The following RAD54L2 variants were observed in gnomAD, a reference collection of about 807,000 sequenced individuals.
RAD54L2 encodes helicase ARIP4.
A neutral mutation model predicts 138.4 loss-of-function variants in RAD54L2; 27 were observed. The observed-to-expected ratio is 0.20, with a 90% CI of 0.14 to 0.27. RAD54L2 has a LOEUF of 0.27. RAD54L2 is among the 10% of genes least tolerant of loss of function. The pLI is 1.00. For synonymous variants in RAD54L2, 644 were observed against 723.2 expected, an observed-to-expected ratio of 0.89 and a Z score of 1.76; for missense variants, 1,396 against 1,890.2, an observed-to-expected ratio of 0.74 and a Z score of 4.85.
intron 3 of RAD54L2, among the ~76,000 whole-genome samples, chr3:51,601,852 TG>T (rs1214071273): frequency 6.6e-6 from 1 of 151,814 alleles, no homozygotes; most frequent in Non-Finnish European, 1.5e-5. Flanking sequence ...TGTGTTTTTT[TG>T]TTTTTTTGTT....
intron 1 of RAD54L2, chr3:51,541,159 A>G (rs1698538817): frequency 6.6e-6 from 1 of 151,906 alleles, no homozygotes; most frequent in Non-Finnish European, 1.5e-5. Context: ...AATGCTGATG[A>G]TATTTTTTAA....
chr3:51,632,105 C>T (rs927560448), intron 7 of RAD54L2, among the ~76,000 whole-genome samples: 1 of 152,200 alleles, frequency 6.6e-6, no homozygotes, highest in Non-Finnish European at 1.5e-5. Flanking sequence ...TGGCGGGTTT[C>T]ATTTAACATA....
Position 51,590,568 on chromosome 3 carries a change from G to A in RAD54L2, c.139+9G>A. ...AGAAGACCTGCTGGATGGTAAGTGGGCTCTATTGAGTGACAGAAGTTGCCT... is the reference window on the plus strand; with the variant it reads ...AGAAGACCTGCTGGATGGTAAGTGGACTCTATTGAGTGACAGAAGTTGCCT... On this transcript the variant is annotated intron_variant, in intron 3 of 22. Coordinates refer to ENST00000684192, the MANE Select transcript of RAD54L2 (RefSeq NM_015106.4). 1 of 1,552,378 alleles carries A rather than the reference G, an allele frequency of 6.4e-7. No individual in the cohort carries two copies. The highest frequency in any genetic ancestry group is 8.7e-7 in the Non-Finnish European group (1 of 1,147,142).
rs950505586 is a variant in RAD54L2, at chr3:51,593,792, A to G, written c.139+3233A>G. Reference sequence around the variant, plus strand: ...TGTGTTTGTTTTCTTTGTAATTTCTACTTTCTAATTTTCTGTTTCTTTTGG... The same window carrying G: ...TGTGTTTGTTTTCTTTGTAATTTCTGCTTTCTAATTTTCTGTTTCTTTTGG... On this transcript the variant is annotated intron_variant, in intron 3 of 22. Coordinates refer to ENST00000684192, the MANE Select transcript of RAD54L2 (RefSeq NM_015106.4). 2.0e-5 allele frequency among the ~76,000 whole-genome samples: 3 copies of G among 151,950 alleles called. No homozygotes were observed. The East Asian group carries it at 5.8e-4, about 29-fold the overall frequency.
chr3:51,636,788 C>G (rs1205075817), intron 10 of RAD54L2, among the ~76,000 whole-genome samples: 2 of 152,144 alleles, frequency 1.3e-5, no homozygotes, highest in African/African-American at 4.8e-5. Context: ...AAAAAATTAG[C>G]CAGGCATGGT....
intron 14 of RAD54L2, among the ~76,000 whole-genome samples, chr3:51,641,045 C>G (rs1435341678): frequency 6.6e-6 from 1 of 152,088 alleles, no homozygotes; most frequent in Non-Finnish European, 1.5e-5. Flanking sequence ...TCTTCCTGCC[C>G]AGGCTGGAGT....
chr3:51,631,457 G>A (rs1322116695), intron 7 of RAD54L2, among the ~76,000 whole-genome samples: 2 of 137,114 alleles, frequency 1.5e-5, no homozygotes, highest in Non-Finnish European at 3.1e-5. Context: ...ACAGGGTCTT[G>A]CTCTGTTTCT....
At chr3:51,598,932 C>A (rs750049641) in intron 3 of RAD54L2, among the ~76,000 whole-genome samples, 9 of 152,156 alleles carry the variant, frequency 5.9e-5, no homozygotes, top group Admixed American at 1.3e-4. Context: ...GTAAACATTT[C>A]TCTGAGTTCT....
At position 51,668,127 on chromosome 3, in the gene RAD54L2, T is replaced by G. The variant is rs1701951020; in HGVS notation, c.*4707T>G. ...TTTGTGTGCTGTGCTCATGTGCACC[T>G]GGGTGTAAAATGACTGTTATCTGGT... is the stretch of plus-strand genomic sequence containing the variant. On this transcript the variant is annotated 3_prime_UTR_variant, in exon 23 of 23. Transcript: ENST00000684192. 6.6e-6 allele frequency: 1 copy of G among 152,388 alleles called. No individual in the cohort carries two copies. Among genetic ancestry groups the G allele is most frequent in the Non-Finnish European group, 1.5e-5 (1 of 68,288 alleles). 9.4% of individuals were successfully genotyped at this position (152,388 alleles called of 1,614,324 possible).
In RAD54L2 at chr3:51,645,859, T is replaced by G; in HGVS notation, c.2829+96T>G. 1 of 1,306,222 alleles carries G rather than the reference T, an allele frequency of 7.7e-7. No homozygotes were observed. Among genetic ancestry groups the G allele is most frequent in the African/African-American group, 1.5e-5 (1 of 66,758 alleles). 80.9% of individuals were successfully genotyped at this position (1,306,222 alleles called of 1,614,324 possible). A position where few individuals can be genotyped will look rare whatever the true frequency, so the allele number is the denominator to read the frequency against. The stretch of plus-strand genomic sequence containing the variant: ...TTTTTTCTTCATCTGAGGTGATGTT[T>G]CATGCAGGTGACTTGGACTCAAGGA... On this transcript the variant is annotated intron_variant, in intron 18 of 22. Coordinates refer to ENST00000684192, the MANE Select transcript of RAD54L2 (RefSeq NM_015106.4). The surrounding 1 kb of genome is among the most constrained non-coding windows in gnomAD (Gnocchi z 6.1).
At chr3:51,602,023 G>A (rs1207362812) in intron 3 of RAD54L2, among the ~76,000 whole-genome samples, 3 of 151,570 alleles carry the variant, frequency 2.0e-5, no homozygotes, top group East Asian at 1.9e-4. Flanking sequence ...ATAGAGACGC[G>A]GTTTCACCAT....
chr3:51,629,304 C>T (rs755271742), intron 4 of RAD54L2, 30 bp from the exon 5 acceptor site: 1 of 1,565,256 alleles, frequency 6.4e-7, no homozygotes, highest in Non-Finnish European at 8.7e-7. Flanking sequence ...TTAATTGAAC[C>T]CAAGTGCTGT....
At chr3:51,597,910 C>T (rs1333150003) in intron 3 of RAD54L2, among the ~76,000 whole-genome samples, 4 of 149,292 alleles carry the variant, frequency 2.7e-5, no homozygotes, top group East Asian at 2.0e-4. Context: ...GCCGAGATCA[C>T]GCCACTGCAC....
At chr3:51,621,740 A>C (rs1700574845) in intron 3 of RAD54L2, among the ~76,000 whole-genome samples, 1 of 152,198 alleles carries the variant, frequency 6.6e-6, no homozygotes, top group Admixed American at 6.5e-5. Flanking sequence ...GAAACAAAAC[A>C]AAAAAGACCA....
At chr3:51,627,411 A>T in intron 3 of RAD54L2, 142 bp from the exon 4 acceptor site, 1 of 738,932 alleles carries the variant, frequency 1.4e-6, no homozygotes, top group Non-Finnish European at 2.3e-6. Context: ...ACATCCACTG[A>T]TGTTCAGAGA....
At chr3:51,615,531 T>C (rs1158635587) in intron 3 of RAD54L2, among the ~76,000 whole-genome samples, 1 of 152,248 alleles carries the variant, frequency 6.6e-6, no homozygotes, top group Non-Finnish European at 1.5e-5. Flanking sequence ...AAATTAATTA[T>C]TGAATGTCTG....
chr3:51,645,625 C>T lies in RAD54L2; in HGVS notation c.2691C>T (p.Asn897=). ...TGGATGATCTAAATCCAATGCTGAA[C>T]TTCACACGGAAAGAGGTGGAAAACC... ...RVVDDLNPML[N]FTRKEVENLL... The change falls in exon 18 of 23, where the codon AAC becomes AAT. Residue 897 remains asparagine, a synonymous_variant. Coordinates refer to ENST00000684192, the MANE Select transcript of RAD54L2 (RefSeq NM_015106.4). The surrounding 1 kb of genome is among the most constrained non-coding windows in gnomAD (Gnocchi z 6.1). The T allele has an allele frequency of 6.2e-7, 1 of 1,612,610 alleles. No individual in the cohort carries two copies. The highest frequency in any genetic ancestry group is 8.5e-7 in the Non-Finnish European group (1 of 1,179,350).
intron 15 of RAD54L2, among the ~76,000 whole-genome samples, chr3:51,642,223 C>T (rs1021524726): frequency 1.3e-5 from 2 of 152,038 alleles, no homozygotes; most frequent in African/African-American, 4.8e-5. Flanking sequence ...GATTTGAATA[C>T]ACAGGGCTAG....
chr3:51,635,304 G>A (rs1230278101), intron 9 of RAD54L2, among the ~76,000 whole-genome samples: 2 of 152,174 alleles, frequency 1.3e-5, no homozygotes, highest in South Asian at 4.1e-4. Context: ...CAAGGGGGTT[G>A]TCATTTTCTC....
Sources: allele counts gnomAD v4.1 joint callset (sites outside exome capture counted in the v4.1 genomes callset), GRCh38; gene constraint gnomAD v4.1.1; non-coding constraint Gnocchi (gnomAD v3.1); transcripts MANE v1.5; gene names NCBI Gene and HGNC (gene_info 2026-07-23, HGNC 2026-07-21).